Variants in KNTC1 observed in about 807,000 individuals in gnomAD.
KNTC1 encodes the protein kinetochore associated 1.
A neutral mutation model predicts 314.4 loss-of-function variants in KNTC1; 253 were observed. The observed-to-expected ratio is 0.80, with a 90% CI of 0.73 to 0.89. The LOEUF is 0.89. Ranked by LOEUF, KNTC1 falls within the 40% of genes least tolerant of loss-of-function variation. The probability of loss-of-function intolerance (pLI) is 0.00; values close to 1 mark genes in which losing one functional copy is unlikely to be tolerated. For synonymous variants in KNTC1, 901 were observed against 901.4 expected (o/e 1.00, Z 0.01); for missense variants, 2,475 against 2,572.9 (o/e 0.96, Z 0.82).
intron 36 of KNTC1, 141 bp downstream of exon 36, chr12:122,585,131 CT>C: frequency 1.7e-6 from 1 of 601,162 alleles, no homozygotes; most frequent in South Asian, 2.1e-5. Context: ...TTGAACTGGG[CT>C]TAAGCAGTCC....
rs1013211066 is a variant in KNTC1, at chr12:122,568,287, A to G, written c.1631A>G (p.Asn544Ser). 6.4e-7 allele frequency: 1 copy of G among 1,567,030 alleles called. No homozygotes were observed. The highest frequency in any genetic ancestry group is 8.8e-7 in the Non-Finnish European group (1 of 1,140,024). ...FSGSSWIEFL[N>S]NEDDLKDIFL... is the part of the protein sequence containing the mutation. ...GGCAGTTCTTGGATTGAATTTCTAAATAATGAAGATGATCTTAAAGATATT... is the reference window on the plus strand; with the variant it reads ...GGCAGTTCTTGGATTGAATTTCTAAGTAATGAAGATGATCTTAAAGATATT... Residue 544 changes from asparagine (N) to serine (S), a missense_variant, in exon 21 of 64, where the codon AAT becomes AGT. Asn to Ser is a conservative substitution (Grantham distance 46). Transcript: ENST00000333479.
chr12:122,594,373 T>G lies in KNTC1; in HGVS notation c.4343T>G (p.Leu1448Trp), dbSNP rs1346698482. ...ATAGATATGGACACAAGCCTCATTTTGGAATATTGCAGGTAATTCTTTAAA... is the reference window on the plus strand; with the variant it reads ...ATAGATATGGACACAAGCCTCATTTGGGAATATTGCAGGTAATTCTTTAAA... ...ENIDMDTSLILEYCSTFQLDC... is the reference protein window; with the variant it reads ...ENIDMDTSLIWEYCSTFQLDC... Residue 1448 changes from leucine to tryptophan, a missense_variant, in exon 43 of 64, where the codon TTG (leucine) becomes TGG (tryptophan). By Grantham distance (61) the Leu-to-Trp change is moderately conservative (BLOSUM62 -2). Transcript: ENST00000333479. The G allele has an allele frequency of 1.3e-6, 2 of 1,567,824 alleles. No individual in the cohort carries two copies. Among genetic ancestry groups the G allele is most frequent in the Admixed American group, 3.4e-5 (2 of 59,352 alleles).
Position 122,601,632 on chromosome 12 carries a change from C to A in KNTC1, c.4653+7C>A, listed in dbSNP as rs1871922515. The stretch of plus-strand genomic sequence containing the variant: ...CAATATTAATATTAATCAGGTATAA[C>A]AAATATATCAAAGATGTAAAAATCA... On this transcript the variant is annotated splice_region_variant and intron_variant, in intron 45 of 63. Transcript: ENST00000333479. 1.4e-6 allele frequency: 2 copies of A among 1,479,580 alleles called. No homozygotes were observed. Among genetic ancestry groups the A allele is most frequent in the Non-Finnish European group, 1.8e-6 (2 of 1,115,518 alleles). 91.7% of individuals were successfully genotyped at this position (1,479,580 alleles called of 1,614,324 possible). A position where few individuals can be genotyped will look rare whatever the true frequency, so the allele number is the denominator to read the frequency against.
chr12:122,580,029 C>T, intron 32 of KNTC1, 52 bp downstream of exon 32: 1 of 1,253,100 alleles, frequency 8.0e-7, no homozygotes, highest in South Asian at 1.3e-5. Flanking sequence ...AGCTCACCCT[C>T]TTCAGAAAGA....
In KNTC1 at chr12:122,551,686, T is replaced by G; in HGVS notation, c.1262T>G (p.Leu421Arg). 1 of 1,611,948 alleles carries G rather than the reference T, an allele frequency of 6.2e-7. No homozygotes were observed. The highest frequency in any genetic ancestry group is 1.7e-5 in the Admixed American group (1 of 60,020). ...EAESFAIQFG[L>R]DVELVYKVKS... ...GAGAGTTTTGCCATTCAGTTTGGACTAGATGTTGAGGTAATCATTCATGTA... is the reference window on the plus strand; with the variant it reads ...GAGAGTTTTGCCATTCAGTTTGGACGAGATGTTGAGGTAATCATTCATGTA... The change falls in exon 16 of 64, where the codon CTA becomes CGA. Residue 421 changes from leucine (L) to arginine (R), a missense_variant. Transcript: ENST00000333479.
In KNTC1 at chr12:122,546,311, A is replaced by C. The variant is rs763879292; in HGVS notation, c.763+42A>C. The C allele has an allele frequency of 2.5e-6, 3 of 1,222,540 alleles. No individual in the cohort carries two copies. The East Asian group carries it at 7.1e-5, about 29-fold the overall frequency. 75.7% of individuals were successfully genotyped at this position (1,222,540 alleles called of 1,614,324 possible). A position where few individuals can be genotyped will look rare whatever the true frequency, so the allele number is the denominator to read the frequency against. On this transcript the variant is annotated intron_variant, in intron 9 of 63. Coordinates refer to ENST00000333479, the MANE Select transcript of KNTC1 (RefSeq NM_014708.6). ...AAACTACTTTAGACAATTATTAGTG[A>C]GTTTTAATTTTTATGTCAGTGTACT...
At chr12:122,617,816 A>G (rs1309664704) in intron 57 of KNTC1, among the ~76,000 whole-genome samples, 8 of 152,238 alleles carry the variant, frequency 5.3e-5, no homozygotes, top group Non-Finnish European at 1.0e-4. Flanking sequence ...ACCATTTAAC[A>G]GCGGCCTCTA....
At chr12:122,550,985 A>G (rs1327107186) in intron 13 of KNTC1, among the ~76,000 whole-genome samples, 1 of 152,202 alleles carries the variant, frequency 6.6e-6, no homozygotes, top group Non-Finnish European at 1.5e-5. Flanking sequence ...GGCTCATGGT[A>G]TCCATTTGTC....
intron 29 of KNTC1, among the ~76,000 whole-genome samples, chr12:122,576,359 G>A (rs1362789661): frequency 1.3e-5 from 2 of 151,860 alleles, no homozygotes; most frequent in Non-Finnish European, 2.9e-5. Context: ...GTGAGCTACC[G>A]CTCCTGGGCT....
chr12:122,597,861 G>A lies in KNTC1; in HGVS notation c.4486G>A (p.Ala1496Thr). 1 of 1,614,034 alleles carries A rather than the reference G, an allele frequency of 6.2e-7. No individual in the cohort carries two copies. Among genetic ancestry groups the A allele is most frequent in the Non-Finnish European group, 8.5e-7 (1 of 1,179,888 alleles). ...SAKRRHPKLL[A>T]KALEMVPLLT... ...AAAGCGGCGGCATCCCAAACTCCTG[G>A]CCAAAGCCCTTGAGATGGTTCCTTT... The change falls in exon 44 of 64, where the codon GCC becomes ACC. Residue 1496 changes from alanine (A) to threonine (T), a missense_variant. Coordinates refer to ENST00000333479, the MANE Select transcript of KNTC1 (RefSeq NM_014708.6).
chr12:122,623,052 A>T (rs1209677024), intron 62 of KNTC1, among the ~76,000 whole-genome samples: 1 of 152,198 alleles, frequency 6.6e-6, no homozygotes, highest in Non-Finnish European at 1.5e-5. Context: ...TACTGCACAT[A>T]TCCAAAAGTT....
rs1962868971 is a variant in KNTC1, at chr12:122,547,485, A to C, written c.887A>C (p.Glu296Ala). Residue 296 changes from glutamate to alanine, a missense_variant, in exon 11 of 64, where the codon GAG (glutamate) becomes GCG (alanine). Transcript: ENST00000333479. ...AACTGGCCCTCTCTTCACGTAGAAGAGTTTCTTCTTACTACAGAAGCAGAC... is the reference window on the plus strand; with the variant it reads ...AACTGGCCCTCTCTTCACGTAGAAGCGTTTCTTCTTACTACAGAAGCAGAC... ...VWNWPSLHVEEFLLTTEADSP... is the reference protein window; with the variant it reads ...VWNWPSLHVEAFLLTTEADSP... The C allele has an allele frequency of 1.2e-6, 2 of 1,612,934 alleles. No individual in the cohort carries two copies. The highest frequency in any genetic ancestry group is 1.7e-6 in the Non-Finnish European group (2 of 1,179,254).
Position 122,584,938 on chromosome 12 carries a change from C to A in KNTC1, c.3482C>A (p.Ala1161Asp). Residue 1161 changes from alanine (A) to aspartate (D), a missense_variant, in exon 36 of 64, where the codon GCT becomes GAT. By Grantham distance (126) the Ala-to-Asp change is moderately radical. Coordinates refer to ENST00000333479, the MANE Select transcript of KNTC1 (RefSeq NM_014708.6). Reference sequence around the variant, plus strand: ...GAACTATGTAAACATACTTTAATGGCTGTAGAGCTTTCCAGACAATGCCAA... The same window carrying A: ...GAACTATGTAAACATACTTTAATGGATGTAGAGCTTTCCAGACAATGCCAA... Reference protein sequence around the residue: ...ALELCKHTLMAVELSRQCQMD... With the variant: ...ALELCKHTLMDVELSRQCQMD... The A allele has an allele frequency of 6.2e-7, 1 of 1,604,120 alleles. No individual in the cohort carries two copies. The highest frequency in any genetic ancestry group is 1.1e-5 in the South Asian group (1 of 90,790).
intron 40 of KNTC1, among the ~76,000 whole-genome samples, chr12:122,589,204 GC>G (rs1869800033): frequency 6.6e-6 from 1 of 151,904 alleles, no homozygotes. Flanking sequence ...GAGATTATAG[GC>G]ATGAGCAACT....
intron 5 of KNTC1, 66 bp downstream of exon 5, chr12:122,539,820 C>T (rs1334745329): frequency 1.5e-5 from 16 of 1,092,814 alleles, no homozygotes; most frequent in East Asian, 2.7e-5. Context: ...CTCCCTTTGT[C>T]GCCCAGGCTG....
At chr12:122,602,201 A>T (rs1872016381) in intron 45 of KNTC1, among the ~76,000 whole-genome samples, 1 of 152,060 alleles carries the variant, frequency 6.6e-6, no homozygotes, top group Non-Finnish European at 1.5e-5. Context: ...TATAAAATAT[A>T]AACATAGGAA....
At position 122,565,252 on chromosome 12, in the gene KNTC1, T is replaced by TTTAA. The variant is rs1555226997; in HGVS notation, c.1604+2553_1604+2554insTTAA. Among the ~76,000 whole-genome samples the TTTAA allele has an allele frequency of 2.6e-3, 343 of 131,778 alleles. 3 individuals carry two copies. Among genetic ancestry groups the TTTAA allele is most frequent in the African/African-American group, 7.5e-3 (274 of 36,564 alleles). 86.5% of individuals were successfully genotyped at this position (131,778 alleles called of 152,430 possible). On this transcript the variant is annotated intron_variant, in intron 20 of 63. Transcript: ENST00000333479. Reference sequence around the variant, plus strand: ...TTTCTCTTGAGTTGTTTTTTTTTTTTAAAAAAAAAAAAACAGAGCTATTTC... The same window carrying TTTAA: ...TTTCTCTTGAGTTGTTTTTTTTTTTTTTAAAAAAAAAAAAAAACAGAGCTATTTC...
Position 122,626,372 on chromosome 12 carries a change from A to G in KNTC1, c.*144A>G. 1 of 629,932 alleles carries G rather than the reference A, an allele frequency of 1.6e-6. No homozygotes were observed. Among genetic ancestry groups the G allele is most frequent in the Non-Finnish European group, 2.8e-6 (1 of 358,272 alleles). The allele number at this position is 629,932 out of a possible 1,614,324, so 39.0% of individuals were successfully genotyped here. ...CCCCACATGTAATAAATAAAACAAT[A>G]TGAGCATAATTGCCCCATAAAGAAC... On this transcript the variant is annotated 3_prime_UTR_variant, in exon 64 of 64. Coordinates refer to ENST00000333479, the MANE Select transcript of KNTC1 (RefSeq NM_014708.6).
chr12:122,559,607 C>T (rs1205184077), intron 18 of KNTC1, among the ~76,000 whole-genome samples: 1 of 152,114 alleles, frequency 6.6e-6, no homozygotes, highest in African/African-American at 2.4e-5. Context: ...GAGTCTCGCA[C>T]TGTCACCCAG....
Sources: allele counts gnomAD v4.1 joint callset (sites outside exome capture counted in the v4.1 genomes callset), GRCh38; gene constraint gnomAD v4.1.1; transcripts MANE v1.5; gene names NCBI Gene and HGNC (gene_info 2026-07-23, HGNC 2026-07-21).